The following FAM53A variants were observed in gnomAD, a reference collection of about 807,000 sequenced individuals.
FAM53A encodes family with sequence similarity 53 member A.
FAM53A carries 28 observed loss-of-function variants against 26.6 expected under a neutral mutation model. That is an observed-to-expected ratio of 1.05 (90% CI 0.78 to 1.45). The LOEUF (loss-of-function observed/expected upper bound fraction) is 1.45. Among genes scored for constraint, FAM53A ranks in the 40% most tolerant of loss-of-function variants. The pLI is 0.00. For missense variants in FAM53A, 650 were observed against 575.8 expected, an observed-to-expected ratio of 1.13 and a Z score of -1.32; for synonymous variants, 290 against 253.1, an observed-to-expected ratio of 1.15 and a Z score of -1.38.
At chr4:1,649,227 G>T (rs114754251) in intron 4 of FAM53A, among the ~76,000 whole-genome samples, 1 of 151,300 alleles carries the variant, frequency 6.6e-6, no homozygotes, top group African/African-American at 2.4e-5. Flanking sequence ...AGGGGAAGAG[G>T]AGGGGAGGAA....
the FAM53A span, among the ~76,000 whole-genome samples, chr4:1,598,752 C>T: frequency 6.6e-6 from 1 of 152,316 alleles, no homozygotes; most frequent in Non-Finnish European, 1.5e-5. Flanking sequence ...GCTTCAATTT[C>T]CGAAGATTTT....
intron 1 of FAM53A, among the ~76,000 whole-genome samples, chr4:1,621,991 G>A (rs779772716): frequency 6.6e-6 from 1 of 152,154 alleles, no homozygotes; most frequent in Non-Finnish European, 1.5e-5. Flanking sequence ...TCTTGGGAAC[G>A]GGGCACATAT....
At chr4:1,677,567 C>G (rs1715128826) in intron 1 of FAM53A, among the ~76,000 whole-genome samples, 2 of 152,244 alleles carry the variant, frequency 1.3e-5, no homozygotes, top group Non-Finnish European at 2.9e-5. Flanking sequence ...TGTATCTCAG[C>G]TCCCTTAGTC....
At chr4:1,620,463 G>C (rs1714980583) in intron 1 of FAM53A, among the ~76,000 whole-genome samples, 1 of 151,790 alleles carries the variant, frequency 6.6e-6, no homozygotes, top group South Asian at 2.1e-4. Flanking sequence ...AATTGTACTG[G>C]CTGCATACAA....
At chr4:1,601,568 T>C in the FAM53A span, among the ~76,000 whole-genome samples, 828 of 107,186 alleles carry the variant, frequency 7.7e-3, 207 homozygotes, top group African/African-American at 0.024. Flanking sequence ...TGCGCCCCAT[T>C]TGCCATGCGC....
intron 1 of FAM53A, among the ~76,000 whole-genome samples, chr4:1,618,673 G>A (rs62286194): frequency 0.055 from 8,345 of 152,276 alleles, 376 homozygotes; most frequent in Non-Finnish European, 0.083. Context: ...GGGCTGAAGC[G>A]ATTCCATGCC....
At chr4:1,685,935 A>G (rs1031985062), upstream of FAM53A, among the ~76,000 whole-genome samples, 4 of 152,192 alleles carry the variant, frequency 2.6e-5, no homozygotes, top group African/African-American at 9.6e-5. Context: ...CAACCACTTC[A>G]AATCACAAAC....
the FAM53A span, among the ~76,000 whole-genome samples, chr4:1,576,403 C>G: frequency 6.6e-5 from 10 of 152,190 alleles, no homozygotes; most frequent in African/African-American, 2.4e-4. Flanking sequence ...GGGGACAGCC[C>G]AGAGCACCCC....
rs1305157315 is a variant in FAM53A, at chr4:1,654,959, G to C, written c.882+19C>G. 2 of 1,501,860 alleles carry C rather than the reference G, an allele frequency of 1.3e-6. No homozygotes were observed. The highest frequency in any genetic ancestry group is 1.4e-5 in the South Asian group (1 of 73,744). 93.0% of individuals were successfully genotyped at this position (1,501,860 alleles called of 1,614,324 possible). On this transcript the variant is annotated intron_variant, in intron 4 of 4. Transcript: ENST00000308132. ...CAGATCTACGCCCCTCTGAGCCCCT[G>C]GAAATAAGAAAGCCTCACCTGGGTC...
chr4:1,583,187 C>T, the FAM53A span, among the ~76,000 whole-genome samples: 1 of 152,062 alleles, frequency 6.6e-6, no homozygotes, highest in East Asian at 1.9e-4. Context: ...ATCATGTTCT[C>T]TGGGAGGGCC....
At chr4:1,624,261 G>T (rs1376476326) in intron 1 of FAM53A, among the ~76,000 whole-genome samples, 1 of 152,242 alleles carries the variant, frequency 6.6e-6, no homozygotes, top group African/African-American at 2.4e-5. Context: ...ACTTCGCAGG[G>T]CCCACGGCAG....
intron 2 of FAM53A, among the ~76,000 whole-genome samples, chr4:1,666,000 T>C (rs1366795741): frequency 1.1e-5 from 1 of 90,368 alleles, no homozygotes; most frequent in African/African-American, 4.7e-5. Context: ...ACCCCCTGTA[T>C]CTAAAATAAA....
In FAM53A at chr4:1,662,448, C is replaced by CA. The variant is rs549131504; in HGVS notation, c.76-4981dup. Among the ~76,000 whole-genome samples the CA allele has an allele frequency of 3.9e-4, 56 of 141,978 alleles. No homozygotes were observed. In the East Asian group the frequency reaches 6.6e-3, roughly 17 times the overall value. The allele number at this position is 141,978 out of a possible 152,430, so 93.1% of individuals were successfully genotyped here. ...GAGCCAAGATCGCACCACTGCACTCCAGCCTTAGCAACAAGGGCAAGATTC... is the reference window on the plus strand; with the variant it reads ...GAGCCAAGATCGCACCACTGCACTCCAAGCCTTAGCAACAAGGGCAAGATTC... On this transcript the variant is annotated intron_variant, in intron 2 of 4. Coordinates refer to ENST00000308132, the MANE Select transcript of FAM53A (RefSeq NM_001174070.3).
the FAM53A span, among the ~76,000 whole-genome samples, chr4:1,583,251 G>A: frequency 1.1e-4 from 17 of 152,272 alleles, no homozygotes; most frequent in South Asian, 2.5e-3. Context: ...GGAGGTGGGC[G>A]GAGTGTCCTC....
At chr4:1,668,523 G>A (rs1359521576) in intron 2 of FAM53A, 144 bp downstream of exon 2, 2 of 761,986 alleles carry the variant, frequency 2.6e-6, no homozygotes, top group Non-Finnish European at 4.3e-6. Flanking sequence ...GCCCACATGT[G>A]CACCAGACAC....
the FAM53A span, among the ~76,000 whole-genome samples, chr4:1,584,292 T>C: frequency 6.6e-6 from 1 of 152,248 alleles, no homozygotes; most frequent in Non-Finnish European, 1.5e-5. Context: ...TTTTCTCCTA[T>C]GAGCCTACAG....
chr4:1,578,357 C>A, the FAM53A span, among the ~76,000 whole-genome samples: 1 of 152,196 alleles, frequency 6.6e-6, no homozygotes, highest in African/African-American at 2.4e-5. Context: ...GTGCAAGTGC[C>A]AGGGGCGGGC....
At chr4:1,613,676 G>A (rs147545270), downstream of FAM53A, among the ~76,000 whole-genome samples, 305 of 152,272 alleles carry the variant, frequency 2.0e-3, no homozygotes, top group African/African-American at 7.0e-3. Context: ...AAGTGACACC[G>A]TGTGAAGCAG....
chr4:1,670,238 C>A (rs1300303471), intron 1 of FAM53A, among the ~76,000 whole-genome samples: 1 of 152,264 alleles, frequency 6.6e-6, no homozygotes, highest in Non-Finnish European at 1.5e-5. Flanking sequence ...CGGTTCGATA[C>A]CTGCGTTCCA....
Sources: allele counts gnomAD v4.1 joint callset (sites outside exome capture counted in the v4.1 genomes callset), GRCh38; gene constraint gnomAD v4.1.1; transcripts MANE v1.5; gene names NCBI Gene and HGNC (gene_info 2026-07-23, HGNC 2026-07-21).